The following ABCC3 variants were observed in gnomAD, a reference collection of about 807,000 sequenced individuals.
The protein encoded by ABCC3 is ATP binding cassette subfamily C member 3, also known as ATP-binding cassette sub-family C member 3.
A neutral mutation model predicts 165.3 loss-of-function variants in ABCC3; 121 were observed. The ratio of observed to expected loss-of-function variants is 0.73; its 90% CI spans 0.63 to 0.85. ABCC3 has a LOEUF of 0.85. Ranked by LOEUF, ABCC3 falls within the 40% of genes least tolerant of loss-of-function variation. The probability of loss-of-function intolerance (pLI) is 0.00; values close to 1 mark genes in which losing one functional copy is unlikely to be tolerated. For synonymous variants in ABCC3, 733 were observed against 810.1 expected (o/e 0.90, Z 1.62); for missense variants, 1,869 against 1,964.1 (o/e 0.95, Z 0.92).
rs775846523 is a variant in ABCC3, at chr17:50,658,077, C to T, written c.487-5C>T. The T allele has an allele frequency of 3.1e-6, 5 of 1,614,058 alleles. No homozygotes were observed. The Admixed American group carries it at 5.0e-5, about 16-fold the overall frequency. ...CTTCTGACGCCCCTCCACTCTCCCA[C>T]CCAGGGTGAGATCTCAGACCCCTTC... On this transcript the variant is annotated splice_region_variant and splice_polypyrimidine_tract_variant and intron_variant, in intron 4 of 30. Coordinates refer to ENST00000285238, the MANE Select transcript of ABCC3 (RefSeq NM_003786.4).
Position 50,687,584 on chromosome 17 carries a change from G to A in ABCC3, c.4329G>A (p.Lys1443=), listed in dbSNP as rs770953206. ...LVCLARALLR[K]SRILVLDEAT... is the part of the protein sequence containing the mutation. ...GCCTGGCCCGAGCCCTGCTCCGCAA[G>A]AGCCGCATCCTGGTTTTAGACGAGG... The change falls in exon 30 of 31, where the codon AAG becomes AAA. Residue 1443 remains lysine (K), a synonymous_variant. Transcript: ENST00000285238. 7 of 1,614,222 alleles carry A rather than the reference G, an allele frequency of 4.3e-6. No homozygotes were observed. The highest frequency in any genetic ancestry group is 3.3e-5 in the South Asian group (3 of 91,090).
intron 30 of ABCC3, among the ~76,000 whole-genome samples, chr17:50,688,740 C>CAAAACA (rs1177402238): frequency 2.7e-5 from 4 of 149,402 alleles, no homozygotes; most frequent in South Asian, 2.1e-4. Flanking sequence ...CAAAACAAAA[C>CAAAACA]AAAACAAAAA....
chr17:50,657,299 C>A (rs1967273735), intron 4 of ABCC3, 116 bp downstream of exon 4: 3 of 1,358,926 alleles, frequency 2.2e-6, no homozygotes, highest in African/African-American at 1.5e-5. Flanking sequence ...AGTACAAACA[C>A]AATTGTGTTG....
chr17:50,668,980 A>G (rs1164143311), intron 15 of ABCC3, 61 bp downstream of exon 15: 57 of 1,598,830 alleles, frequency 3.6e-5, no homozygotes, highest in Non-Finnish European at 4.8e-5. Context: ...TCAGATCAAT[A>G]GCAGCACCCT....
intron 1 of ABCC3, among the ~76,000 whole-genome samples, chr17:50,636,389 A>C (rs778762625): frequency 4.0e-5 from 6 of 151,848 alleles, no homozygotes; most frequent in Non-Finnish European, 7.4e-5. Flanking sequence ...AACTGTAAAA[A>C]GGCATATTTG....
rs887094656 is a variant in ABCC3, at chr17:50,691,416, G to A, written c.*216G>A. 5.9e-6 allele frequency: 3 copies of A among 512,618 alleles called. No homozygotes were observed. Among genetic ancestry groups the A allele is most frequent in the Non-Finnish European group, 7.1e-6 (2 of 280,458 alleles). 31.8% of individuals were successfully genotyped at this position (512,618 alleles called of 1,614,324 possible). On this transcript the variant is annotated 3_prime_UTR_variant, in exon 31 of 31. Coordinates refer to ENST00000285238, the MANE Select transcript of ABCC3 (RefSeq NM_003786.4). ...ACACGCCTAAGGTCACAGCTAGTTT[G>A]AGCCAGTTAGACTAGTCCCCGGTCT...
At chr17:50,684,220 G>A in intron 28 of ABCC3, 113 bp downstream of exon 28, 2 of 1,370,100 alleles carry the variant, frequency 1.5e-6, no homozygotes, top group South Asian at 1.3e-5. Flanking sequence ...GGCTTGGGCA[G>A]GTGGGGAGGG....
In ABCC3 at chr17:50,658,077, C is replaced by A. The variant is rs775846523; in HGVS notation, c.487-5C>A. ...CTTCTGACGCCCCTCCACTCTCCCA[C>A]CCAGGGTGAGATCTCAGACCCCTTC... On this transcript the variant is annotated splice_region_variant and splice_polypyrimidine_tract_variant and intron_variant, in intron 4 of 30. Transcript: ENST00000285238. 6.2e-7 allele frequency: 1 copy of A among 1,614,176 alleles called. No individual in the cohort carries two copies.
At chr17:50,665,110 T>C in intron 10 of ABCC3, 43 bp from the exon 11 acceptor site, 1 of 1,565,954 alleles carries the variant, frequency 6.4e-7, no homozygotes, top group Non-Finnish European at 8.8e-7. Context: ...TAGACTTTGG[T>C]AATCTGTCCC....
rs1347610432 is a variant in ABCC3 at position 50,673,005 on chromosome 17, T to A, written c.2276T>A (p.Val759Asp). The A allele has an allele frequency of 1.9e-6, 3 of 1,613,740 alleles. No individual in the cohort carries two copies. Among genetic ancestry groups the A allele is most frequent in the Non-Finnish European group, 2.5e-6 (3 of 1,179,928 alleles). Residue 759 changes from valine to aspartate, a missense_variant, in exon 18 of 31, where the codon GTC (valine) becomes GAC (aspartate). Coordinates refer to ENST00000285238, the MANE Select transcript of ABCC3 (RefSeq NM_003786.4). ...INLSGGQRQR[V>D]SLARAVYSDA... ...CTGTCTGGGGGCCAGCGGCAGCGGG[T>A]CAGTCTGGCTCGAGCTGTTTACAGT...
At position 50,691,866 on chromosome 17, in the gene ABCC3, T is replaced by C. The variant is rs1024529612; in HGVS notation, c.*666T>C. 1 of 152,224 alleles carries C rather than the reference T, an allele frequency of 6.6e-6. No homozygotes were observed. Among genetic ancestry groups the C allele is most frequent in the African/African-American group, 2.4e-5 (1 of 41,444 alleles). 9.4% of individuals were successfully genotyped at this position (152,224 alleles called of 1,614,324 possible). A position where few individuals can be genotyped will look rare whatever the true frequency, so the allele number is the denominator to read the frequency against. Reference sequence around the variant, plus strand: ...TATTGCCTTCACAGCCAAAATTCCCTGGGTAATTGCCAGTAGCTCCTGCTC... The same window carrying C: ...TATTGCCTTCACAGCCAAAATTCCCCGGGTAATTGCCAGTAGCTCCTGCTC... On this transcript the variant is annotated 3_prime_UTR_variant, in exon 31 of 31. Coordinates refer to ENST00000285238, the MANE Select transcript of ABCC3 (RefSeq NM_003786.4).
At chr17:50,635,332 G>T (rs1041755039) in intron 1 of ABCC3, 6 of 630,326 alleles carry the variant, frequency 9.5e-6, no homozygotes, top group Non-Finnish European at 1.4e-5. Flanking sequence ...GGGGCGTTTC[G>T]CAATCAGCCG....
rs774731500 is a variant in ABCC3, at chr17:50,658,052, C to A, written c.487-30C>A. 4 of 1,613,608 alleles carry A rather than the reference C, an allele frequency of 2.5e-6. No individual in the cohort carries two copies. The African/African-American group carries it at 4.0e-5, about 16-fold the overall frequency. On this transcript the variant is annotated intron_variant, in intron 4 of 30. Transcript: ENST00000285238. ...GCTGCAGGCCCAGGCTTTTCCAGTG[C>A]TTCTGACGCCCCTCCACTCTCCCAC...
At chr17:50,673,981 T>TTTCTTTCCTTC (rs1567835559) in intron 19 of ABCC3, among the ~76,000 whole-genome samples, 1 of 3,314 alleles carries the variant, frequency 3.0e-4, no homozygotes, top group Non-Finnish European at 5.9e-4. Context: ...TCTTTCTTTC[T>TTTCTTTCCTTC]CTCTCTCTCT....
chr17:50,684,978 C>G (rs551345237), intron 29 of ABCC3, 103 bp downstream of exon 29: 2 of 1,310,276 alleles, frequency 1.5e-6, no homozygotes, highest in Non-Finnish European at 2.1e-6. Flanking sequence ...GAGGCCAGCC[C>G]GGATGTGCAC....
chr17:50,662,539 G>A (rs1404780148), intron 8 of ABCC3, among the ~76,000 whole-genome samples: 1 of 151,876 alleles, frequency 6.6e-6, no homozygotes, highest in African/African-American at 2.4e-5. Context: ...TCAAGAGGCT[G>A]AGGTGGGAAG....
chr17:50,646,328 A>G (rs1398815493), intron 1 of ABCC3, among the ~76,000 whole-genome samples: 1 of 152,154 alleles, frequency 6.6e-6, no homozygotes, highest in African/African-American at 2.4e-5. Flanking sequence ...GAAGCAGGAA[A>G]GGCGGGGAGA....
intron 11 of ABCC3, among the ~76,000 whole-genome samples, chr17:50,665,812 A>G (rs999877153): frequency 6.6e-6 from 1 of 151,130 alleles, no homozygotes; most frequent in African/African-American, 2.4e-5. Flanking sequence ...GGGTTTCACC[A>G]TGTTGGCCAG....
intron 1 of ABCC3, among the ~76,000 whole-genome samples, chr17:50,654,789 A>G (rs1174546067): frequency 6.6e-6 from 1 of 152,218 alleles, no homozygotes; most frequent in Non-Finnish European, 1.5e-5. Context: ...AAAATTAAAA[A>G]TTAGTTTTAA....
Sources: allele counts gnomAD v4.1 joint callset (sites outside exome capture counted in the v4.1 genomes callset), GRCh38; gene constraint gnomAD v4.1.1; transcripts MANE v1.5; gene names NCBI Gene and HGNC (gene_info 2026-07-23, HGNC 2026-07-21).